Variants in WDSUB1 observed in about 807,000 individuals in gnomAD.
WDSUB1 encodes the protein WD repeat, SAM and U-box domain-containing protein 1.
In WDSUB1, 49 loss-of-function variants were observed where a neutral mutation model predicts 53.9. The ratio of observed to expected loss-of-function variants is 0.91; its 90% CI spans 0.72 to 1.15. The LOEUF (loss-of-function observed/expected upper bound fraction) is 1.15, where lower values mean the gene tolerates loss of function less well. WDSUB1 is among the 50% of genes most tolerant of loss of function. WDSUB1 has a pLI of 0.00. For synonymous variants in WDSUB1, 194 were observed against 200.6 expected (o/e 0.97, Z 0.28); for missense variants, 514 against 562.0 (o/e 0.91, Z 0.86).
chr2:159,255,503 A>AT (rs1373950935), intron 9 of WDSUB1, among the ~76,000 whole-genome samples: 1 of 129,030 alleles, frequency 7.8e-6, no homozygotes, highest in Non-Finnish European at 1.5e-5. Flanking sequence ...ATTAAATTAA[A>AT]TAAAGAAAAG....
intron 4 of WDSUB1, among the ~76,000 whole-genome samples, chr2:159,275,118 C>T (rs182935955): frequency 5.9e-5 from 9 of 152,196 alleles, no homozygotes; most frequent in African/African-American, 1.4e-4. Context: ...AATAACATAA[C>T]GGAATAGTTT....
At chr2:159,240,371 C>T (rs1361260841) in intron 10 of WDSUB1, among the ~76,000 whole-genome samples, 1 of 152,192 alleles carries the variant, frequency 6.6e-6, no homozygotes, top group African/African-American at 2.4e-5. Flanking sequence ...TTTCAATTCT[C>T]CTGCCTATAG....
chr2:159,260,023 G>A (rs2061154988), intron 5 of WDSUB1, among the ~76,000 whole-genome samples, 180 bp from the exon 6 acceptor site: 1 of 152,172 alleles, frequency 6.6e-6, no homozygotes. Context: ...ACTACACGTG[G>A]CCAGGCGCAG....
At chr2:159,274,629 CAG>C (rs1304714125) in intron 4 of WDSUB1, among the ~76,000 whole-genome samples, 5 of 151,932 alleles carry the variant, frequency 3.3e-5, no homozygotes, top group African/African-American at 1.2e-4. Context: ...TCTAGGGTGA[CAG>C]AGTGTCTACT....
intron 5 of WDSUB1, among the ~76,000 whole-genome samples, chr2:159,268,588 T>C (rs778732450): frequency 1.3e-5 from 2 of 152,214 alleles, no homozygotes; most frequent in African/African-American, 2.4e-5. Context: ...CTAAATATCT[T>C]AGCTGGAATG....
chr2:159,248,119 T>C (rs1049795765), intron 10 of WDSUB1, among the ~76,000 whole-genome samples: 1 of 151,372 alleles, frequency 6.6e-6, no homozygotes, highest in South Asian at 2.1e-4. Context: ...GTATTTTATC[T>C]TTACATCCTA....
At chr2:159,274,701 G>A (rs1311838845) in intron 4 of WDSUB1, among the ~76,000 whole-genome samples, 1 of 152,158 alleles carries the variant, frequency 6.6e-6, no homozygotes, top group Non-Finnish European at 1.5e-5. Flanking sequence ...ATCCTAGAGG[G>A]AAGCCAGCAA....
intron 10 of WDSUB1, among the ~76,000 whole-genome samples, chr2:159,247,910 A>ATATAAATATAT (rs2060846247): frequency 4.5e-4 from 8 of 17,674 alleles, no homozygotes; most frequent in Non-Finnish European, 9.3e-4. Context: ...TATATATATA[A>ATATAAATATAT]ATATATATAT....
chr2:159,282,189 TA>T (rs201202535), intron 2 of WDSUB1, among the ~76,000 whole-genome samples: 29 of 131,348 alleles, frequency 2.2e-4, no homozygotes, highest in African/African-American at 7.5e-4. Flanking sequence ...GAAGGCCAGT[TA>T]AAAAAAATTT....
chr2:159,267,568 G>A (rs1281002512), intron 5 of WDSUB1, among the ~76,000 whole-genome samples: 1 of 152,100 alleles, frequency 6.6e-6, no homozygotes, highest in Non-Finnish European at 1.5e-5. Context: ...ACCTCTCAAA[G>A]TGTTGGAATA....
chr2:159,239,000 GGT>G (rs773196998), intron 10 of WDSUB1, among the ~76,000 whole-genome samples: 1 of 151,846 alleles, frequency 6.6e-6, no homozygotes, highest in Non-Finnish European at 1.5e-5. Context: ...TTGGGGTTTT[GGT>G]GTGTGTGGTT....
intron 3 of WDSUB1, 54 bp from the exon 4 acceptor site, chr2:159,275,692 C>CA: frequency 1.4e-6 from 2 of 1,406,038 alleles, no homozygotes; most frequent in South Asian, 2.6e-5. Flanking sequence ...GAAACCCCCC[C>CA]AAAATTCCCA....
In WDSUB1 at chr2:159,245,209, A is replaced by AT. The variant is rs575454303; in HGVS notation, c.1273+3162dup. 5.3e-5 allele frequency among the ~76,000 whole-genome samples: 8 copies of AT among 152,218 alleles called. No homozygotes were observed. In the South Asian group the frequency reaches 1.7e-3, roughly 32 times the overall value. On this transcript the variant is annotated intron_variant, in intron 10 of 10. Coordinates refer to ENST00000359774, the MANE Select transcript of WDSUB1 (RefSeq NM_001128212.3). ...AACAGTAAAAGAACTAAGTCATGTG[A>AT]TTTTCACTATCTGACTTCAAGACTT...
At chr2:159,271,935 C>G in intron 4 of WDSUB1, 140 bp from the exon 5 acceptor site, 1 of 656,662 alleles carries the variant, frequency 1.5e-6, no homozygotes, top group Non-Finnish European at 2.6e-6. Context: ...CCTCATGCAG[C>G]TCAGATATCT....
chr2:159,240,583 C>G (rs766437515), intron 10 of WDSUB1, among the ~76,000 whole-genome samples: 16 of 152,196 alleles, frequency 1.1e-4, no homozygotes, highest in Non-Finnish European at 2.1e-4. Context: ...TATTGCCAAA[C>G]AGCATATCAT....
chr2:159,269,219 G>T (rs2061402564), intron 5 of WDSUB1, among the ~76,000 whole-genome samples: 1 of 142,818 alleles, frequency 7.0e-6, no homozygotes, highest in Admixed American at 7.4e-5. Context: ...CACCCAGGCT[G>T]GAGTGCAGTG....
chr2:159,256,301 C>T lies in WDSUB1; in HGVS notation c.1027G>A (p.Ala343Thr). Residue 343 changes from alanine (A) to threonine (T), a missense_variant, in exon 9 of 11, where the codon GCA becomes ACA. Ala to Thr is a moderately conservative substitution (Grantham distance 58). Coordinates refer to ENST00000359774, the MANE Select transcript of WDSUB1 (RefSeq NM_001128212.3). The stretch of plus-strand genomic sequence containing the variant: ...CCAACAAGATCTTTTAAATCTTGTG[C>T]ACAAAGCCATGTTGAGACATCCTCC... ...SEEDVSTWLC[A>T]QDLKDLVGIF... 1 of 1,612,514 alleles carries T rather than the reference C, an allele frequency of 6.2e-7. No individual in the cohort carries two copies. Among genetic ancestry groups the T allele is most frequent in the Non-Finnish European group, 8.5e-7 (1 of 1,179,452 alleles).
intron 6 of WDSUB1, 136 bp downstream of exon 6, chr2:159,259,674 C>A: frequency 1.0e-6 from 1 of 959,364 alleles, no homozygotes; most frequent in East Asian, 3.0e-5. Context: ...ACTATTTTAG[C>A]ATTTGTGAAA....
In WDSUB1 at chr2:159,283,051, T is replaced by G. The variant is rs760337447; in HGVS notation, c.19A>C (p.Thr7Pro). 4 of 1,609,950 alleles carry G rather than the reference T, an allele frequency of 2.5e-6. No individual in the cohort carries two copies. The highest frequency in any genetic ancestry group is 2.2e-5 in the East Asian group (1 of 44,766). Residue 7 changes from threonine to proline, a missense_variant, in exon 2 of 11, where the codon ACA becomes CCA. Transcript: ENST00000359774. ...ACATCGTCACCATGATCAGCTAATG[T>G]GTGAATCAGTTTCACCATGTTCTTT... is the stretch of plus-strand genomic sequence containing the variant. MVKLIH[T>P]LADHGDDVNC...
Sources: allele counts gnomAD v4.1 joint callset (sites outside exome capture counted in the v4.1 genomes callset), GRCh38; gene constraint gnomAD v4.1.1; transcripts MANE v1.5; gene names NCBI Gene and HGNC (gene_info 2026-07-23, HGNC 2026-07-21).